Variants in RS1 observed in about 807,000 individuals in gnomAD.
RS1 encodes retinoschisin.
Under a neutral mutation model 20.8 loss-of-function variants are expected in RS1, and 2 were observed. The ratio of observed to expected loss-of-function variants is 0.10; its 90% CI spans 0.04 to 0.30. RS1 has a LOEUF of 0.30. RS1 is among the 10% of genes least tolerant of loss of function. RS1 has a pLI of 1.00. For missense variants in RS1, 151 were observed against 189.8 expected (o/e 0.80, Z 1.20); for synonymous variants, 70 against 75.8 (o/e 0.92, Z 0.40).
At position 18,641,812 on chromosome X, in the gene RS1, G is replaced by A. The variant is rs1289231097; in HGVS notation, c.*192C>T. On this transcript the variant is annotated 3_prime_UTR_variant, in exon 6 of 6. Coordinates refer to ENST00000379984, the MANE Select transcript of RS1 (RefSeq NM_000330.4). ...TCTGACTTTCTCTGGCCCTGAGTGG[G>A]GAATAAGTTCATTTTTATTTCATTG... is the stretch of plus-strand genomic sequence containing the variant. 6.8e-6 allele frequency: 3 copies of A among 442,563 alleles called. No homozygotes were observed. Among genetic ancestry groups the A allele is most frequent in the Non-Finnish European group, 1.2e-5 (3 of 258,326 alleles). 36.5% of individuals were successfully genotyped at this position (442,563 alleles called of 1,213,427 possible). A position where few individuals can be genotyped will look rare whatever the true frequency, so the allele number is the denominator to read the frequency against.
chrX:18,648,010 C>A lies in RS1; in HGVS notation c.185-678G>T, dbSNP rs376968084. Among the ~76,000 whole-genome samples the A allele has an allele frequency of 1.5e-4, 17 of 111,468 alleles. No individual in the cohort carries two copies. The East Asian group carries it at 2.6e-3, about 17-fold the overall frequency. ...GGTTCTTCTGTGTTGATTGTCTCCC[C>A]CTTCCTCTCGTCTGTATGTCCCCTC... On this transcript the variant is annotated intron_variant, in intron 3 of 5. Coordinates refer to ENST00000379984, the MANE Select transcript of RS1 (RefSeq NM_000330.4).
intron 1 of RS1, among the ~76,000 whole-genome samples, chrX:18,671,541 C>T (rs931854966): frequency 1.8e-5 from 2 of 111,647 alleles, no homozygotes; most frequent in Non-Finnish European, 3.8e-5. Flanking sequence ...GGGTATGTTA[C>T]GTTAATCCAT....
chrX:18,668,571 G>C (rs948561588), intron 1 of RS1, among the ~76,000 whole-genome samples: 4 of 113,241 alleles, frequency 3.5e-5, no homozygotes, highest in Non-Finnish European at 7.5e-5. Context: ...CACGCAGCAG[G>C]CTGCAATAAT....
rs1927590086 is a variant in RS1 at position 18,641,920 on chromosome X, T to C, written c.*84A>G. 2 of 1,033,395 alleles carry C rather than the reference T, an allele frequency of 1.9e-6. No homozygotes were observed. Among genetic ancestry groups the C allele is most frequent in the Non-Finnish European group, 2.7e-6 (2 of 740,407 alleles). The allele number at this position is 1,033,395 out of a possible 1,213,427, so 85.2% of individuals were successfully genotyped here. ...AATTGCTTTGCGAAATATAGCCCTG[T>C]CCATCTCGGTGGTGTGTGAGGGGGT... is the stretch of plus-strand genomic sequence containing the variant. On this transcript the variant is annotated 3_prime_UTR_variant, in exon 6 of 6. Transcript: ENST00000379984.
chrX:18,652,645 G>A (rs1201015663), intron 3 of RS1, among the ~76,000 whole-genome samples: 1 of 107,832 alleles, frequency 9.3e-6, no homozygotes, highest in African/African-American at 3.5e-5. Context: ...CTCCAGCTTG[G>A]GCAACAGAGC....
chrX:18,660,202 T>A (rs147611435), intron 1 of RS1, among the ~76,000 whole-genome samples: 1,530 of 110,378 alleles, frequency 0.014, 12 homozygotes, highest in Non-Finnish European at 0.022. Context: ...TTGAGATAAG[T>A]GAGGAAAAGT....
intron 3 of RS1, chrX:18,653,352 G>T: frequency 8.5e-7 from 1 of 1,175,716 alleles, no homozygotes; most frequent in Non-Finnish European, 1.1e-6. Flanking sequence ...CTCCGTGGGG[G>T]GCCCGGGCAT....
At chrX:18,653,785 C>T (rs759010990) in intron 3 of RS1, among the ~76,000 whole-genome samples, 22 of 110,241 alleles carry the variant, frequency 2.0e-4, no homozygotes, top group African/African-American at 6.6e-4. Flanking sequence ...CTGGGCAACA[C>T]GGTGAAACCC....
chrX:18,651,264 T>TGTGTGTGTGTGTGAGAGA (rs1491242962), intron 3 of RS1, among the ~76,000 whole-genome samples: 5 of 69,012 alleles, frequency 7.2e-5, no homozygotes, highest in African/African-American at 3.1e-4. Context: ...TGTGTGTGTG[T>TGTGTGTGTGTGTGAGAGA]GAGAGAGAGA....
At chrX:18,667,980 T>C (rs997682496) in intron 1 of RS1, among the ~76,000 whole-genome samples, 1 of 111,276 alleles carries the variant, frequency 9.0e-6, no homozygotes, top group Admixed American at 9.6e-5. Flanking sequence ...ACCAACAAAC[T>C]GGAGAACAAA....
At chrX:18,643,482 A>C (rs758660102) in intron 5 of RS1, among the ~76,000 whole-genome samples, 1 of 112,578 alleles carries the variant, frequency 8.9e-6, no homozygotes, top group South Asian at 3.7e-4. Flanking sequence ...TGCAGGGGTG[A>C]AGTGCCTCTT....
At chrX:18,659,272 G>A (rs1488373192) in intron 1 of RS1, among the ~76,000 whole-genome samples, 1 of 110,605 alleles carries the variant, frequency 9.0e-6, no homozygotes, top group African/African-American at 3.3e-5. Context: ...TCAGGAGTTC[G>A]AGACCAGCCT....
chrX:18,653,345 C>A, intron 3 of RS1: 1 of 1,170,184 alleles, frequency 8.5e-7, no homozygotes, highest in Admixed American at 2.5e-5. Context: ...CCTTCTGCTC[C>A]GTGGGGGGCC....
At chrX:18,658,780 TTCATCATCATCA>T (rs35009798) in intron 1 of RS1, among the ~76,000 whole-genome samples, 1,094 of 103,822 alleles carry the variant, frequency 0.011, 14 homozygotes, top group African/African-American at 0.036. Flanking sequence ...TTATTAAATC[TTCATCATCATCA>T]TCATCATCAT....
intron 1 of RS1, among the ~76,000 whole-genome samples, chrX:18,667,236 G>A (rs968277177): frequency 3.6e-5 from 4 of 111,467 alleles, no homozygotes; most frequent in African/African-American, 1.3e-4. Flanking sequence ...TTTCTGAAGG[G>A]CCCTGTCAGT....
intron 5 of RS1, among the ~76,000 whole-genome samples, chrX:18,642,599 C>T (rs1197663895): frequency 8.9e-6 from 1 of 112,252 alleles, no homozygotes; most frequent in Non-Finnish European, 1.9e-5. Context: ...CCACATCACA[C>T]TTACATGTTC....
intron 3 of RS1, among the ~76,000 whole-genome samples, chrX:18,648,836 T>C (rs966301669): frequency 1.6e-4 from 18 of 110,345 alleles, no homozygotes; most frequent in African/African-American, 5.6e-4. Flanking sequence ...ATGCCTGTAA[T>C]CCCAGTGCTT....
At chrX:18,669,384 G>A (rs1165368767) in intron 1 of RS1, among the ~76,000 whole-genome samples, 6 of 106,825 alleles carry the variant, frequency 5.6e-5, no homozygotes, top group South Asian at 4.3e-4. Context: ...CCAGCCACTC[G>A]GGAGCCTGAG....
intron 1 of RS1, among the ~76,000 whole-genome samples, chrX:18,667,061 C>T (rs958343415): frequency 1.9e-4 from 21 of 111,406 alleles, no homozygotes; most frequent in Non-Finnish European, 3.8e-5. Flanking sequence ...CTGTGCTCTG[C>T]GGAGTTAACG....
Sources: gnomAD v4.1 joint callset for allele counts (sites outside exome capture counted in the v4.1 genomes callset) on GRCh38, gnomAD v4.1.1 for gene constraint, MANE v1.5 for transcripts, NCBI Gene and HGNC (gene_info 2026-07-23, HGNC 2026-07-21) for gene names.